The following SLC44A3 variants were observed in gnomAD, a reference collection of about 807,000 sequenced individuals.
SLC44A3 encodes the protein choline transporter-like protein 3.
SLC44A3 carries 74 observed loss-of-function variants against 75.4 expected under a neutral mutation model. The ratio of observed to expected loss-of-function variants is 0.98; its 90% CI spans 0.81 to 1.19. The LOEUF is 1.19. Among genes scored for constraint, SLC44A3 ranks in the 50% most tolerant of loss-of-function variants. The pLI, the probability that SLC44A3 is intolerant of heterozygous loss-of-function variation, is 0.00. For synonymous variants in SLC44A3, 310 were observed against 296.9 expected, an observed-to-expected ratio of 1.04 and a Z score of -0.45; for missense variants, 700 against 778.6, an observed-to-expected ratio of 0.90 and a Z score of 1.20.
chr1:94,850,026 G>T (rs1664999393), intron 9 of SLC44A3, among the ~76,000 whole-genome samples: 1 of 152,114 alleles, frequency 6.6e-6, no homozygotes, highest in African/African-American at 2.4e-5. Context: ...GGGATTATAG[G>T]CGTGAGCCAC....
chr1:94,867,447 C>T (rs1667294818), intron 12 of SLC44A3, 30 bp downstream of exon 12: 1 of 1,569,672 alleles, frequency 6.4e-7, no homozygotes, highest in African/African-American at 1.4e-5. Context: ...CTCAGGAACA[C>T]ACAGAAGGGT....
At chr1:94,820,559 C>T (rs1335348546) in intron 1 of SLC44A3, 81 bp downstream of exon 1, 4 of 1,442,432 alleles carry the variant, frequency 2.8e-6, no homozygotes, top group Non-Finnish European at 2.7e-6. Flanking sequence ...CCTTCCCTGC[C>T]GGACGCTTCC....
intron 5 of SLC44A3, 122 bp from the exon 6 acceptor site, chr1:94,837,589 C>A: frequency 1.1e-6 from 1 of 909,716 alleles, no homozygotes; most frequent in Non-Finnish European, 1.6e-6. Flanking sequence ...AAATGGCATG[C>A]TAGACGCCTC....
rs1557789786 is a variant in SLC44A3 at position 94,821,002 on chromosome 1, G to A, written c.81G>A (p.Arg27=). 1 of 1,551,576 alleles carries A rather than the reference G, an allele frequency of 6.4e-7. No individual in the cohort carries two copies. Among genetic ancestry groups the A allele is most frequent in the Non-Finnish European group, 8.7e-7 (1 of 1,146,934 alleles). ...GGGAGTGGCGACCCCAGATTTATAG[G>A]AAATGCACAGATACGGCATGGTTAT... The part of the protein sequence containing the change: ...RQREWRPQIY[R]KCTDTAWLFL... The change falls in exon 2 of 15, where the codon AGG becomes AGA. Residue 27 remains arginine (R), a synonymous_variant. Transcript: ENST00000271227.
intron 5 of SLC44A3, among the ~76,000 whole-genome samples, chr1:94,830,026 T>C (rs1661911603): frequency 6.6e-6 from 1 of 152,218 alleles, no homozygotes; most frequent in African/African-American, 2.4e-5. Flanking sequence ...TGGTTGCAAG[T>C]GAAGCTTGAA....
intron 12 of SLC44A3, among the ~76,000 whole-genome samples, chr1:94,888,174 G>T (rs1261310300): frequency 1.3e-5 from 2 of 152,202 alleles, no homozygotes; most frequent in Admixed American, 6.5e-5. Context: ...ATTGGGATTT[G>T]AGCACAGAGA....
chr1:94,845,451 C>A lies in SLC44A3; in HGVS notation c.1059C>A (p.Ser353Arg). Reference protein sequence around the residue: ...FWVLWVAVLLSLGTAGAAQVM... With the variant: ...FWVLWVAVLLRLGTAGAAQVM... ...TCCTCTGGGTGGCTGTGCTGCTGAGCCTGGGAACTGCAGGTAAGGGACAGT... is the reference window on the plus strand; with the variant it reads ...TCCTCTGGGTGGCTGTGCTGCTGAGACTGGGAACTGCAGGTAAGGGACAGT... The change falls in exon 9 of 15, where the codon AGC (serine) becomes AGA (arginine). Residue 353 changes from serine to arginine, a missense_variant. By Grantham distance (110) the Ser-to-Arg change is moderately radical. Coordinates refer to ENST00000271227, the MANE Select transcript of SLC44A3 (RefSeq NM_001114106.3). 6.2e-7 allele frequency: 1 copy of A among 1,611,200 alleles called. No homozygotes were observed. The highest frequency in any genetic ancestry group is 8.5e-7 in the Non-Finnish European group (1 of 1,179,634).
intron 5 of SLC44A3, among the ~76,000 whole-genome samples, chr1:94,832,660 C>A (rs887900282): frequency 3.9e-5 from 6 of 152,194 alleles, no homozygotes; most frequent in Non-Finnish European, 7.3e-5. Flanking sequence ...GCAACAGACA[C>A]TTTCAATTCA....
intron 10 of SLC44A3, among the ~76,000 whole-genome samples, chr1:94,857,716 A>G (rs1231563595): frequency 6.6e-6 from 1 of 152,068 alleles, no homozygotes; most frequent in Non-Finnish European, 1.5e-5. Flanking sequence ...TTTTTACTTT[A>G]AGCTAGAAAA....
chr1:94,877,557 C>T (rs1057038752), intron 12 of SLC44A3, among the ~76,000 whole-genome samples: 3 of 152,144 alleles, frequency 2.0e-5, no homozygotes, highest in Non-Finnish European at 4.4e-5. Context: ...GATGGCTGGA[C>T]ATTCCTCCTT....
In SLC44A3 at chr1:94,857,349, A is replaced by G. The variant is rs753719019; in HGVS notation, c.1087A>G (p.Met363Val). 6.2e-7 allele frequency: 1 copy of G among 1,609,266 alleles called. No individual in the cohort carries two copies. Among genetic ancestry groups the G allele is most frequent in the Admixed American group, 1.7e-5 (1 of 58,902 alleles). Residue 363 changes from methionine to valine, a missense_variant, in exon 10 of 15, where the codon ATG (methionine) becomes GTG (valine). By Grantham distance (21) the Met-to-Val change is conservative. Coordinates refer to ENST00000271227, the MANE Select transcript of SLC44A3 (RefSeq NM_001114106.3). ...SLGTAGAAQV[M>V]EGGQVEYKPL... ...TGAAACTTTAGGAGCTGCCCAGGTT[A>G]TGGAAGGCGGCCAAGTGGAATATAA...
At chr1:94,824,042 C>T (rs1448046197) in intron 2 of SLC44A3, among the ~76,000 whole-genome samples, 1 of 151,444 alleles carries the variant, frequency 6.6e-6, no homozygotes, top group Non-Finnish European at 1.5e-5. Flanking sequence ...AACTGTGTTG[C>T]TTCTGCAGAA....
intron 14 of SLC44A3, 90 bp downstream of exon 14, chr1:94,892,607 C>A: frequency 8.0e-7 from 1 of 1,243,784 alleles, no homozygotes; most frequent in Non-Finnish European, 1.2e-6. Flanking sequence ...GGCTCATACC[C>A]AGCCTCTCTC....
chr1:94,878,175 C>T (rs1668523076), intron 12 of SLC44A3, among the ~76,000 whole-genome samples: 2 of 152,018 alleles, frequency 1.3e-5, no homozygotes, highest in Admixed American at 1.3e-4. Context: ...GCGGAGCCTG[C>T]AGTGAGCCGA....
chr1:94,828,027 T>C (rs957016077), intron 4 of SLC44A3, among the ~76,000 whole-genome samples: 3 of 152,200 alleles, frequency 2.0e-5, no homozygotes, highest in Non-Finnish European at 4.4e-5. Flanking sequence ...GTAGAATTGC[T>C]GACAAATTGG....
Position 94,881,142 on chromosome 1 carries a change from G to A in SLC44A3, c.1483-9988G>A, listed in dbSNP as rs1668921947. Among the ~76,000 whole-genome samples, 4 of 152,174 alleles carry A rather than the reference G, an allele frequency of 2.6e-5. No individual in the cohort carries two copies. In the South Asian group the frequency reaches 6.2e-4, roughly 24 times the overall value. ...GGTGGACCAAACTATGTTACCAAAC[G>A]ATAGTTATTCCCAGCAGCCAGTGAC... On this transcript the variant is annotated intron_variant, in intron 12 of 14. Transcript: ENST00000271227.
At chr1:94,876,770 C>A (rs968686826) in intron 12 of SLC44A3, among the ~76,000 whole-genome samples, 10 of 152,190 alleles carry the variant, frequency 6.6e-5, no homozygotes, top group Non-Finnish European at 1.5e-4. Flanking sequence ...TGTCTCTCAA[C>A]CTGATTTCTA....
intron 10 of SLC44A3, among the ~76,000 whole-genome samples, chr1:94,858,856 T>A (rs1395319577): frequency 1.3e-5 from 2 of 152,128 alleles, no homozygotes; most frequent in Non-Finnish European, 2.9e-5. Context: ...CACGCCTGGC[T>A]AATTTTTGTA....
In SLC44A3 at chr1:94,864,805, A is replaced by G. The variant is rs140072535; in HGVS notation, c.1301A>G (p.His434Arg). Residue 434 changes from histidine (H) to arginine (R), a missense_variant, in exon 11 of 15, where the codon CAT becomes CGT. Physicochemically the swap from His to Arg is conservative, Grantham distance 29 (BLOSUM62 0). Coordinates refer to ENST00000271227, the MANE Select transcript of SLC44A3 (RefSeq NM_001114106.3). ...LSSLSILFFY[H>R]QGTVVKGSFL... ...TCTCTCTCCATTCTCTTCTTCTACC[A>G]TCAAGGAACCGTTGTGAAAGGGTCA... The G allele has an allele frequency of 2.5e-4, 405 of 1,614,026 alleles. 1 individual carries two copies. The African/African-American group carries it at 5.1e-3, about 20-fold the overall frequency.
Sources: gnomAD v4.1 joint callset for allele counts (sites outside exome capture counted in the v4.1 genomes callset) on GRCh38, gnomAD v4.1.1 for gene constraint, MANE v1.5 for transcripts, NCBI Gene and HGNC (gene_info 2026-07-23, HGNC 2026-07-21) for gene names.